The following CENPP variants were observed in gnomAD, a reference collection of about 807,000 sequenced individuals.
CENPP encodes the protein centromere protein P.
In CENPP, 24 loss-of-function variants were observed where a neutral mutation model predicts 35.6. The observed-to-expected ratio is 0.67, with a 90% CI of 0.49 to 0.95. The LOEUF (loss-of-function observed/expected upper bound fraction) is 0.95, where lower values mean the gene tolerates loss of function less well. Ranked by LOEUF, CENPP falls within the 40% of genes least tolerant of loss-of-function variation. The pLI is 0.00. For missense variants in CENPP, 332 were observed against 345.3 expected, an observed-to-expected ratio of 0.96 and a Z score of 0.31; for synonymous variants, 120 against 125.5, an observed-to-expected ratio of 0.96 and a Z score of 0.29.
chr9:92,442,195 C>T (rs1844409412), intron 5 of CENPP, among the ~76,000 whole-genome samples: 1 of 151,852 alleles, frequency 6.6e-6, no homozygotes, highest in African/African-American at 2.4e-5. Context: ...GTCAGGAGTT[C>T]GAGACCAGCC....
chr9:92,444,355 T>TAAA (rs1844497512), intron 5 of CENPP, among the ~76,000 whole-genome samples: 1 of 152,174 alleles, frequency 6.6e-6, no homozygotes, highest in Non-Finnish European at 1.5e-5. Context: ...AATTGGGGTT[T>TAAA]TTAAGTATTG....
chr9:92,524,670 C>T (rs1848283952), intron 5 of CENPP, among the ~76,000 whole-genome samples: 1 of 152,152 alleles, frequency 6.6e-6, no homozygotes, highest in African/African-American at 2.4e-5. Context: ...AAAAGCCTTC[C>T]TTACACAGCC....
intron 4 of CENPP, among the ~76,000 whole-genome samples, chr9:92,363,382 A>G (rs891874278): frequency 2.0e-5 from 3 of 152,172 alleles, no homozygotes; most frequent in Admixed American, 6.5e-5. Context: ...ACATTACTGT[A>G]TTTTACTGTA....
At chr9:92,541,672 A>T (rs1415849732) in intron 5 of CENPP, among the ~76,000 whole-genome samples, 1 of 151,720 alleles carries the variant, frequency 6.6e-6, no homozygotes, top group East Asian at 1.9e-4. Context: ...TTCCTTTCAT[A>T]TATACATTTT....
chr9:92,582,258 GT>G (rs1023469795), intron 5 of CENPP, among the ~76,000 whole-genome samples: 35 of 152,064 alleles, frequency 2.3e-4, no homozygotes, highest in African/African-American at 7.2e-4. Context: ...GGGTTTTGCC[GT>G]GTTGCCCAGG....
At chr9:92,465,414 C>G (rs992180034) in intron 5 of CENPP, among the ~76,000 whole-genome samples, 2 of 152,110 alleles carry the variant, frequency 1.3e-5, no homozygotes, top group African/African-American at 4.8e-5. Context: ...GTGTCTTAAA[C>G]TTTTTTTAAA....
At chr9:92,361,807 A>T (rs1020139702) in intron 4 of CENPP, among the ~76,000 whole-genome samples, 42 of 152,250 alleles carry the variant, frequency 2.8e-4, no homozygotes, top group African/African-American at 9.1e-4. Context: ...AAGTTTAGAG[A>T]TATTCCCTTA....
At chr9:92,348,267 G>A (rs12552866) in intron 4 of CENPP, among the ~76,000 whole-genome samples, 88,668 of 151,486 alleles carry the variant, frequency 0.59, 28,481 homozygotes, top group African/African-American at 0.86. Flanking sequence ...CTGACAAAAC[G>A]TGTTTTTGTA....
intron 5 of CENPP, among the ~76,000 whole-genome samples, chr9:92,502,109 A>G (rs977144766): frequency 2.6e-5 from 4 of 152,194 alleles, no homozygotes; most frequent in African/African-American, 4.8e-5. Context: ...CACTGTGTGC[A>G]GGGGAATAAT....
At chr9:92,468,560 A>T (rs1395954612) in intron 5 of CENPP, among the ~76,000 whole-genome samples, 1 of 152,206 alleles carries the variant, frequency 6.6e-6, no homozygotes, top group Admixed American at 6.5e-5. Context: ...CAAGTGCCAA[A>T]CAAGCAGCTA....
chr9:92,325,856 C>G, upstream of CENPP: 1 of 616,962 alleles, frequency 1.6e-6, no homozygotes, highest in Non-Finnish European at 2.8e-6. Flanking sequence ...CCGCTGGGGT[C>G]ACGCGGAGCT....
Position 92,483,683 on chromosome 9 carries a change from C to T in CENPP, c.564+103824C>T, listed in dbSNP as rs184352910. On this transcript the variant is annotated intron_variant, in intron 5 of 7. Coordinates refer to ENST00000375587, the MANE Select transcript of CENPP (RefSeq NM_001012267.3). ...CTACTGTCATCAAGAGTCTGACCATCGTTTGTTCCCTCTCTCCAGAGAAAT... is the reference window on the plus strand; with the variant it reads ...CTACTGTCATCAAGAGTCTGACCATTGTTTGTTCCCTCTCTCCAGAGAAAT... Among the ~76,000 whole-genome samples the T allele has an allele frequency of 5.6e-4, 86 of 152,310 alleles. 1 individual carries two copies. In the East Asian group the frequency reaches 0.016, roughly 29 times the overall value.
intron 5 of CENPP, chr9:92,415,512 A>G: frequency 7.9e-7 from 1 of 1,270,708 alleles, no homozygotes; most frequent in Non-Finnish European, 1.1e-6. Flanking sequence ...ATCTTGTATT[A>G]TAGTATAATC....
intron 5 of CENPP, among the ~76,000 whole-genome samples, chr9:92,402,316 A>G (rs1843148134): frequency 6.6e-6 from 1 of 152,166 alleles, no homozygotes; most frequent in East Asian, 1.9e-4. Flanking sequence ...ACATTTGCTC[A>G]TTGTGTACCC....
intron 4 of CENPP, among the ~76,000 whole-genome samples, chr9:92,368,609 C>T (rs1195784755): frequency 1.3e-5 from 2 of 152,066 alleles, no homozygotes; most frequent in African/African-American, 4.8e-5. Flanking sequence ...TTTGAGTGAC[C>T]AAATATGGAG....
intron 5 of CENPP, among the ~76,000 whole-genome samples, chr9:92,432,659 C>G (rs1844142226): frequency 6.6e-6 from 1 of 152,192 alleles, no homozygotes. Context: ...GTACTCCACC[C>G]TCACAGAAGC....
intron 5 of CENPP, among the ~76,000 whole-genome samples, chr9:92,427,520 G>T (rs1564315116): frequency 6.6e-6 from 1 of 151,768 alleles, no homozygotes; most frequent in Non-Finnish European, 1.5e-5. Context: ...CACTCTTGTT[G>T]CCCAGGCTGG....
chr9:92,460,160 G>A (rs1415491187), intron 5 of CENPP, among the ~76,000 whole-genome samples: 1 of 149,378 alleles, frequency 6.7e-6, no homozygotes, highest in African/African-American at 2.5e-5. Flanking sequence ...TCAGCCTCCC[G>A]AGTAGCTGGG....
intron 5 of CENPP, chr9:92,600,648 G>A: frequency 7.0e-7 from 1 of 1,434,990 alleles, no homozygotes; most frequent in Non-Finnish European, 9.3e-7. Context: ...CATCCCTTCT[G>A]GTGGGGGTTG....
Sources: allele counts gnomAD v4.1 joint callset (sites outside exome capture counted in the v4.1 genomes callset), GRCh38; gene constraint gnomAD v4.1.1; transcripts MANE v1.5; gene names NCBI Gene and HGNC (gene_info 2026-07-23, HGNC 2026-07-21).